Variants in SLC2A12 observed in about 807,000 individuals in gnomAD.
SLC2A12 encodes solute carrier family 2 member 12.
Under a neutral mutation model 41.8 loss-of-function variants are expected in SLC2A12, and 23 were observed. The observed-to-expected ratio is 0.55, with a 90% CI of 0.40 to 0.78. The LOEUF (loss-of-function observed/expected upper bound fraction) is 0.78, where lower values mean the gene tolerates loss of function less well. Among genes scored for constraint, SLC2A12 ranks in the 30% least tolerant of loss-of-function variants. The pLI is 0.00. For synonymous variants in SLC2A12, 295 were observed against 285.9 expected (o/e 1.03, Z -0.32); for missense variants, 654 against 745.6 (o/e 0.88, Z 1.43).
chr6:134,051,306 C>A (rs1773680856), intron 1 of SLC2A12, among the ~76,000 whole-genome samples: 1 of 152,110 alleles, frequency 6.6e-6, no homozygotes, highest in Non-Finnish European at 1.5e-5. Flanking sequence ...CTGAAGAGGG[C>A]CGCTTCATGC....
At position 134,028,999 on chromosome 6, in the gene SLC2A12, G is replaced by A. The variant is rs372959738; in HGVS notation, c.826C>T (p.Arg276Trp). 16 of 1,614,060 alleles carry A rather than the reference G, an allele frequency of 9.9e-6. No individual in the cohort carries two copies. The highest frequency in any genetic ancestry group is 6.7e-5 in the East Asian group (3 of 44,898). Reference sequence around the variant, plus strand: ...GTTAGTCCTATCATTATTCGGGTCCGCATGTTGTCTTTTGAACGAAACAGA... The same window carrying A: ...GTTAGTCCTATCATTATTCGGGTCCACATGTTGTCTTTTGAACGAAACAGA... Reference protein sequence around the residue: ...WDLFRSKDNMRTRIMIGLTLV... With the variant: ...WDLFRSKDNMWTRIMIGLTLV... Residue 276 changes from arginine to tryptophan, a missense_variant, in exon 2 of 5, where the codon CGG becomes TGG. By Grantham distance (101) the Arg-to-Trp change is moderately radical (BLOSUM62 -3). This residue lies in a region of SLC2A12 where 411 missense variants were observed against 412.1 expected (regional missense o/e 1.00). Transcript: ENST00000275230.
chr6:134,005,659 T>TGAAAA (rs1406443549), intron 3 of SLC2A12, among the ~76,000 whole-genome samples: 2 of 64,970 alleles, frequency 3.1e-5, no homozygotes, highest in African/African-American at 6.7e-5. Flanking sequence ...GACTCTGTCT[T>TGAAAA]AAAAAAAAAA....
chr6:134,045,926 C>T (rs1005876381), intron 1 of SLC2A12, among the ~76,000 whole-genome samples: 2 of 152,132 alleles, frequency 1.3e-5, no homozygotes, highest in African/African-American at 4.8e-5. Context: ...ATTGGCAGTA[C>T]CTACATAATT....
chr6:133,998,749 C>T (rs1776723060), intron 4 of SLC2A12, among the ~76,000 whole-genome samples: 1 of 152,210 alleles, frequency 6.6e-6, no homozygotes, highest in South Asian at 2.1e-4. Context: ...GCCATGTTTT[C>T]AGGCTGGTCT....
At chr6:134,008,925 G>A (rs1776846005) in intron 2 of SLC2A12, 1 of 152,136 alleles carries the variant, frequency 6.6e-6, no homozygotes, top group Non-Finnish European at 1.5e-5. Flanking sequence ...ATAGCTCAGG[G>A]TTTCTTCTTC....
intron 2 of SLC2A12, among the ~76,000 whole-genome samples, chr6:134,016,247 G>T (rs775029289): frequency 1.3e-5 from 2 of 151,406 alleles, no homozygotes; most frequent in Non-Finnish European, 2.9e-5. Context: ...TTGACTGTCC[G>T]ATAAAGATAA....
intron 1 of SLC2A12, among the ~76,000 whole-genome samples, chr6:134,050,923 T>A (rs193128231): frequency 4.6e-5 from 7 of 151,528 alleles, no homozygotes; most frequent in Admixed American, 3.9e-4. Flanking sequence ...GATATTCTTT[T>A]ATTATTATTA....
intron 1 of SLC2A12, among the ~76,000 whole-genome samples, chr6:134,048,156 C>T (rs1353987973): frequency 6.6e-6 from 1 of 152,180 alleles, no homozygotes. Flanking sequence ...CAAATCTAGA[C>T]TTTTGATGTG....
chr6:133,996,102 A>G (rs959766027), intron 4 of SLC2A12, among the ~76,000 whole-genome samples: 2 of 152,240 alleles, frequency 1.3e-5, no homozygotes, highest in South Asian at 4.1e-4. Flanking sequence ...TGATAATGTT[A>G]TTGTAGAACC....
chr6:134,006,833 G>A lies in SLC2A12; in HGVS notation c.1546C>T (p.Leu516=). ...TTACCAGTTACAGTCAAAAATGTCA[G>A]CGAGATGAGGAGATTGATGCCCCAG... is the stretch of plus-strand genomic sequence containing the variant. ...MNWGINLLIS[L]TFLTVTDLIG... is the part of the protein sequence containing the mutation. Residue 516 remains leucine, a synonymous_variant, in exon 3 of 5, where the codon CTG becomes TTG. Coordinates refer to ENST00000275230, the MANE Select transcript of SLC2A12 (RefSeq NM_145176.3). 1 of 1,614,098 alleles carries A rather than the reference G, an allele frequency of 6.2e-7. No homozygotes were observed. The highest frequency in any genetic ancestry group is 8.5e-7 in the Non-Finnish European group (1 of 1,180,006).
At chr6:134,006,201 A>AAAACAGAG (rs1776814362) in intron 3 of SLC2A12, among the ~76,000 whole-genome samples, 1 of 151,412 alleles carries the variant, frequency 6.6e-6, no homozygotes, top group Non-Finnish European at 1.5e-5. Flanking sequence ...AACAAAAAAA[A>AAAACAGAG]AAACAGAGAA....
At chr6:134,037,187 C>CTCTG (rs1046205674) in intron 1 of SLC2A12, among the ~76,000 whole-genome samples, 1 of 125,900 alleles carries the variant, frequency 7.9e-6, no homozygotes, top group African/African-American at 3.1e-5. Context: ...AGAAGTGTCA[C>CTCTG]TCTGTCGCCC....
intron 4 of SLC2A12, among the ~76,000 whole-genome samples, chr6:134,000,377 T>C (rs1776740924): frequency 6.6e-6 from 1 of 152,140 alleles, no homozygotes; most frequent in Non-Finnish European, 1.5e-5. Context: ...GGATTAATGG[T>C]TAGTTCAATA....
intron 1 of SLC2A12, 67 bp from the exon 2 acceptor site, chr6:134,029,788 G>A: frequency 4.0e-6 from 6 of 1,513,734 alleles, no homozygotes; most frequent in Non-Finnish European, 5.3e-6. Flanking sequence ...TTGTATTTGA[G>A]CGGAGATTTA....
At chr6:134,035,161 A>G (rs1358971274) in intron 1 of SLC2A12, among the ~76,000 whole-genome samples, 1 of 98,464 alleles carries the variant, frequency 1.0e-5, no homozygotes, top group Non-Finnish European at 2.9e-5. Context: ...CAAAAAAAAA[A>G]AAAAAAAAAA....
chr6:134,050,592 A>G (rs912125736), intron 1 of SLC2A12, among the ~76,000 whole-genome samples: 17 of 152,202 alleles, frequency 1.1e-4, no homozygotes, highest in African/African-American at 3.4e-4. Context: ...AGCCATATCA[A>G]AATAAACAGT....
Position 133,990,216 on chromosome 6 carries a change from G to C in SLC2A12, c.*939C>G, listed in dbSNP as rs1474531521. 6.6e-6 allele frequency: 1 copy of C among 152,622 alleles called. No homozygotes were observed. Among genetic ancestry groups the C allele is most frequent in the Non-Finnish European group, 1.5e-5 (1 of 68,034 alleles). The allele number at this position is 152,622 out of a possible 1,614,324, so 9.5% of individuals were successfully genotyped here. A position where few individuals can be genotyped will look rare whatever the true frequency, so the allele number is the denominator to read the frequency against. ...AATTATAGCCTGTGTACCGTAACCTGAGGTAGTGATATTCCTGAGGAGTGT... is the reference window on the plus strand; with the variant it reads ...AATTATAGCCTGTGTACCGTAACCTCAGGTAGTGATATTCCTGAGGAGTGT... On this transcript the variant is annotated 3_prime_UTR_variant, in exon 5 of 5. Transcript: ENST00000275230.
Position 134,028,583 on chromosome 6 carries a change from A to G in SLC2A12, c.1242T>C (p.His414=). The G allele has an allele frequency of 6.2e-7, 1 of 1,614,186 alleles. No homozygotes were observed. Among genetic ancestry groups the G allele is most frequent in the Non-Finnish European group, 8.5e-7 (1 of 1,180,022 alleles). The change falls in exon 2 of 5, where the codon CAT becomes CAC. Residue 414 remains histidine (H), a synonymous_variant. Transcript: ENST00000275230. ...LRDHFKGISS[H]SRSSLMPLRN... ...TCAGGGGCATGAGTGAGCTTCTGCT[A>G]TGGGAAGAAATCCCTTTGAAGTGGT...
intron 1 of SLC2A12, 147 bp from the exon 2 acceptor site, chr6:134,029,868 C>CA (rs2114480735): frequency 1.9e-6 from 2 of 1,049,508 alleles, no homozygotes; most frequent in Non-Finnish European, 2.6e-6. Context: ...ATACACTAAC[C>CA]AAAAAATGAT....
Sources: gnomAD v4.1 joint callset for allele counts (sites outside exome capture counted in the v4.1 genomes callset) on GRCh38, gnomAD v4.1.1 for gene constraint, gnomAD v4.1.1 regional missense constraint, MANE v1.5 for transcripts, NCBI Gene and HGNC (gene_info 2026-07-23, HGNC 2026-07-21) for gene names.